Variants in GALNT13 observed in about 807,000 individuals in gnomAD.
GALNT13 encodes UDP-GalNAc:polypeptide N-acetylgalactosaminyltransferase 13.
GALNT13 carries 28 observed loss-of-function variants against 64.2 expected under a neutral mutation model. That is an observed-to-expected ratio of 0.44 (90% CI 0.32 to 0.60). The LOEUF (loss-of-function observed/expected upper bound fraction) is 0.60. Ranked by LOEUF, GALNT13 falls within the 20% of genes least tolerant of loss-of-function variation. The pLI, the probability that GALNT13 is intolerant of heterozygous loss-of-function variation, is 0.05. For missense variants in GALNT13, 577 were observed against 669.8 expected (o/e 0.86, Z 1.53); for synonymous variants, 214 against 224.6 (o/e 0.95, Z 0.42).
chr2:153,492,351 G>A, the GALNT13 span, among the ~76,000 whole-genome samples: 4 of 152,212 alleles, frequency 2.6e-5, no homozygotes, highest in Admixed American at 1.3e-4. Flanking sequence ...CAGCCACAGT[G>A]TATCTGACAG....
chr2:153,382,406 T>A, the GALNT13 span, among the ~76,000 whole-genome samples: 2 of 152,100 alleles, frequency 1.3e-5, no homozygotes, highest in East Asian at 3.9e-4. Context: ...TGGCTCCCAC[T>A]TATAAGTGAC....
intron 3 of GALNT13, among the ~76,000 whole-genome samples, chr2:154,013,944 C>T (rs1211651993): frequency 1.3e-5 from 2 of 152,110 alleles, no homozygotes; most frequent in African/African-American, 4.8e-5. Flanking sequence ...GGACTGCCAG[C>T]GAAGAAGCTA....
chr2:153,844,479 C>G, the GALNT13 span, among the ~76,000 whole-genome samples: 1 of 152,182 alleles, frequency 6.6e-6, no homozygotes, highest in African/African-American at 2.4e-5. Context: ...TCTTCCCTAC[C>G]TAGGCCTCTG....
intron 3 of GALNT13, among the ~76,000 whole-genome samples, chr2:154,117,812 G>T (rs1249309215): frequency 1.3e-5 from 2 of 152,178 alleles, no homozygotes; most frequent in East Asian, 1.9e-4. Flanking sequence ...CTGGATCATT[G>T]TCTGTCACCT....
chr2:153,429,087 A>G, the GALNT13 span, among the ~76,000 whole-genome samples: 63 of 152,104 alleles, frequency 4.1e-4, no homozygotes, highest in Non-Finnish European at 4.7e-4. Context: ...CTTTCATGCA[A>G]TACTTCCTGG....
chr2:153,329,461 T>C, the GALNT13 span, among the ~76,000 whole-genome samples: 1 of 152,346 alleles, frequency 6.6e-6, no homozygotes, highest in South Asian at 2.1e-4. Context: ...TTTCTTATCA[T>C]AGCCAGTCTG....
the GALNT13 span, among the ~76,000 whole-genome samples, chr2:153,513,595 C>T: frequency 2.0e-5 from 3 of 152,182 alleles, no homozygotes; most frequent in Non-Finnish European, 2.9e-5. Context: ...TCATCTTTCT[C>T]TAGAGAACAA....
the GALNT13 span, among the ~76,000 whole-genome samples, chr2:153,410,894 AAGGAGAGAGAG>A: frequency 6.0e-5 from 9 of 151,170 alleles, no homozygotes; most frequent in African/African-American, 1.9e-4. Flanking sequence ...GAGAGAGAGA[AAGGAGAGAGAG>A]AGGAGAGAGA....
At chr2:154,062,827 C>G (rs920286799) in intron 3 of GALNT13, among the ~76,000 whole-genome samples, 1 of 149,590 alleles carries the variant, frequency 6.7e-6, no homozygotes, top group Non-Finnish European at 1.5e-5. Flanking sequence ...CCAAATGTTT[C>G]AGGATATTTA....
At chr2:154,236,786 C>A (rs182254599) in intron 4 of GALNT13, among the ~76,000 whole-genome samples, 1 of 152,084 alleles carries the variant, frequency 6.6e-6, no homozygotes. Flanking sequence ...ATAATAACTT[C>A]ATAAGACATG....
the GALNT13 span, among the ~76,000 whole-genome samples, chr2:153,322,361 A>G: frequency 6.6e-6 from 1 of 152,030 alleles, no homozygotes; most frequent in African/African-American, 2.4e-5. Flanking sequence ...TTGTATGGCT[A>G]TGTAGTATTC....
the GALNT13 span, among the ~76,000 whole-genome samples, chr2:153,561,640 C>A: frequency 9.0e-6 from 1 of 111,038 alleles, no homozygotes; most frequent in Non-Finnish European, 1.8e-5. Flanking sequence ...AGATGTTCAA[C>A]CTGTGTGTGT....
intron 9 of GALNT13, among the ~76,000 whole-genome samples, chr2:154,329,953 A>G (rs1018372112): frequency 6.6e-6 from 1 of 152,106 alleles, no homozygotes; most frequent in Non-Finnish European, 1.5e-5. Context: ...CCACAGAACC[A>G]TGAGCCAAGT....
At chr2:153,350,310 A>T in the GALNT13 span, among the ~76,000 whole-genome samples, 1 of 151,918 alleles carries the variant, frequency 6.6e-6, no homozygotes, top group Admixed American at 6.6e-5. Context: ...GAAACGTGTT[A>T]GTAAGTACTT....
At chr2:153,418,573 G>T in the GALNT13 span, among the ~76,000 whole-genome samples, 3 of 152,310 alleles carry the variant, frequency 2.0e-5, no homozygotes, top group South Asian at 6.2e-4. Flanking sequence ...GCTGCTTATA[G>T]GTCAAGTAAG....
the GALNT13 span, among the ~76,000 whole-genome samples, chr2:153,754,778 C>T: frequency 1.3e-5 from 2 of 152,104 alleles, no homozygotes; most frequent in Non-Finnish European, 2.9e-5. Flanking sequence ...TCCTTGTTGT[C>T]TAAGCTGCCT....
the GALNT13 span, chr2:153,187,515 T>A: frequency 6.6e-6 from 1 of 152,228 alleles, no homozygotes; most frequent in East Asian, 1.9e-4. Context: ...TATTTCCAGT[T>A]CTGGGGGTTT....
chr2:153,605,671 C>T, the GALNT13 span, among the ~76,000 whole-genome samples: 1 of 151,994 alleles, frequency 6.6e-6, no homozygotes. Context: ...AAATGGTTAT[C>T]AGTTCTTGGT....
the GALNT13 span, among the ~76,000 whole-genome samples, chr2:153,498,883 C>G: frequency 6.6e-6 from 1 of 151,696 alleles, no homozygotes; most frequent in South Asian, 2.1e-4. Flanking sequence ...GAGTCTCGCT[C>G]TGTCACCAGG....
Sources: allele counts gnomAD v4.1 joint callset (sites outside exome capture counted in the v4.1 genomes callset), GRCh38; gene constraint gnomAD v4.1.1; transcripts MANE v1.5; gene names NCBI Gene and HGNC (gene_info 2026-07-23, HGNC 2026-07-21).